Variants in LCA5L observed in about 807,000 individuals in gnomAD.
LCA5L encodes lebercilin LCA5 like.
In LCA5L, 35 loss-of-function variants were observed where a neutral mutation model predicts 45.4. The ratio of observed to expected loss-of-function variants is 0.77; its 90% confidence interval spans 0.59 to 1.02. The LOEUF is 1.02. Ranked by LOEUF, LCA5L falls within the 50% of genes least tolerant of loss-of-function variation. LCA5L has a pLI of 0.00. For missense variants in LCA5L, 668 were observed against 761.6 expected (o/e 0.88, Z 1.45); for synonymous variants, 233 against 264.7 (o/e 0.88, Z 1.16).
chr21:39,406,061 C>CA lies in LCA5L; in HGVS notation c.1833dup (p.Asp612Ter), dbSNP rs1465485501. The CA allele has an allele frequency of 6.2e-7, 1 of 1,614,020 alleles. No individual in the cohort carries two copies. The highest frequency in any genetic ancestry group is 1.3e-5 in the African/African-American group (1 of 74,926). On this transcript the variant is annotated frameshift_variant, in exon 11 of 11. Coordinates refer to ENST00000288350, the MANE Select transcript of LCA5L (RefSeq NM_152505.4). LOFTEE classifies it low-confidence loss of function (END_TRUNC). ...TTTGCAACACCAGGACTTGATTGGT[C>CA]AGTTTTCAAGACATAGCCTGATCCA...
At chr21:39,442,380 C>T (rs1358875849) in intron 2 of LCA5L, among the ~76,000 whole-genome samples, 1 of 151,984 alleles carries the variant, frequency 6.6e-6, no homozygotes, top group East Asian at 1.9e-4. Context: ...GATCATTAAT[C>T]CAAGGGCAAT....
At position 39,436,399 on chromosome 21, in the gene LCA5L, A is replaced by G. The variant is rs2076289369; in HGVS notation, c.-245-826T>C. On this transcript the variant is annotated intron_variant, in intron 2 of 10. Coordinates refer to ENST00000288350, the MANE Select transcript of LCA5L (RefSeq NM_152505.4). The stretch of plus-strand genomic sequence containing the variant: ...CATATAATGAAAAAAATTCAGTAGT[A>G]AATTTATAATTAATTCATAAGGATA... Among the ~76,000 whole-genome samples the G allele has an allele frequency of 2.0e-5, 3 of 152,222 alleles. No homozygotes were observed. The South Asian group carries it at 6.2e-4, about 32-fold the overall frequency.
At chr21:39,410,847 A>G (rs906071117) in intron 8 of LCA5L, 1 of 471,216 alleles carries the variant, frequency 2.1e-6, no homozygotes, top group Non-Finnish European at 4.4e-6. Context: ...ATTCTAGATT[A>G]TAAGCCAGAA....
At chr21:39,425,350 G>A (rs1337759171) in intron 5 of LCA5L, among the ~76,000 whole-genome samples, 1 of 152,064 alleles carries the variant, frequency 6.6e-6, no homozygotes, top group Non-Finnish European at 1.5e-5. Flanking sequence ...TGCTTTCTGG[G>A]GATAAAACAT....
intron 7 of LCA5L, among the ~76,000 whole-genome samples, chr21:39,418,692 G>T (rs2041742264): frequency 6.6e-6 from 1 of 152,150 alleles, no homozygotes; most frequent in Middle Eastern, 3.4e-3. Context: ...TAGAGACGGG[G>T]TTTTGCCATG....
At position 39,405,978 on chromosome 21, in the gene LCA5L, G is replaced by A; in HGVS notation, c.1917C>T (p.Ala639=). 1 of 1,614,118 alleles carries A rather than the reference G, an allele frequency of 6.2e-7. No individual in the cohort carries two copies. The part of the protein sequence containing the change: ...KESHPLPPSQ[A]STSHAFGDSK... ...AGTCTCCGAAAGCATGGCTGGTGGA[G>A]GCCTGACTGGGAGGCAGGGGATGCG... The change falls in exon 11 of 11, where the codon GCC becomes GCT. Residue 639 remains alanine (A), a synonymous_variant. Transcript: ENST00000288350.
chr21:39,415,321 T>C (rs2040940113), intron 7 of LCA5L, among the ~76,000 whole-genome samples: 1 of 152,178 alleles, frequency 6.6e-6, no homozygotes, highest in South Asian at 2.1e-4. Flanking sequence ...GCATAAAATA[T>C]GTAATTTCAA....
At chr21:39,414,756 G>C (rs1383828624) in intron 7 of LCA5L, among the ~76,000 whole-genome samples, 21 of 149,702 alleles carry the variant, frequency 1.4e-4, no homozygotes, top group Admixed American at 4.6e-4. Flanking sequence ...GTGTGTGTGT[G>C]TGTGTGTGTG....
At chr21:39,415,377 A>AT (rs1158099063) in intron 7 of LCA5L, among the ~76,000 whole-genome samples, 1 of 152,134 alleles carries the variant, frequency 6.6e-6, no homozygotes, top group Admixed American at 6.5e-5. Context: ...TAAAATATAT[A>AT]AAAAAATAAA....
intron 9 of LCA5L, 62 bp from the exon 10 acceptor site, chr21:39,410,158 T>G: frequency 7.7e-7 from 1 of 1,301,626 alleles, no homozygotes. Context: ...AAAATTGCAT[T>G]TTATTCTAAT....
intron 10 of LCA5L, among the ~76,000 whole-genome samples, chr21:39,408,277 C>G (rs751173626): frequency 1.8e-4 from 27 of 152,168 alleles, no homozygotes; most frequent in Non-Finnish European, 3.5e-4. Context: ...AATGACACTT[C>G]CAGATGAGAG....
At chr21:39,434,859 T>C (rs960157210) in intron 3 of LCA5L, among the ~76,000 whole-genome samples, 1 of 152,160 alleles carries the variant, frequency 6.6e-6, no homozygotes, top group African/African-American at 2.4e-5. Context: ...TCAAAGAACA[T>C]TTATTTAGTG....
intron 3 of LCA5L, among the ~76,000 whole-genome samples, chr21:39,433,968 C>T (rs553234170): frequency 7.2e-6 from 1 of 138,904 alleles, no homozygotes; most frequent in Admixed American, 7.7e-5. Context: ...AGAGTTTTGC[C>T]AATTCTCCTG....
intron 7 of LCA5L, among the ~76,000 whole-genome samples, chr21:39,415,162 A>C (rs1195795751): frequency 6.6e-6 from 1 of 152,108 alleles, no homozygotes; most frequent in Non-Finnish European, 1.5e-5. Flanking sequence ...TCAACTTCCC[A>C]AAAAATGATG....
At chr21:39,408,253 T>C (rs765924271) in intron 10 of LCA5L, among the ~76,000 whole-genome samples, 3 of 152,150 alleles carry the variant, frequency 2.0e-5, no homozygotes, top group Admixed American at 6.5e-5. Context: ...ATTAATCAAG[T>C]GTAAGGGCAG....
intron 2 of LCA5L, among the ~76,000 whole-genome samples, chr21:39,440,071 A>ATGTG (rs1238127196): frequency 1.3e-5 from 2 of 152,194 alleles, no homozygotes; most frequent in African/African-American, 4.8e-5. Flanking sequence ...GTGTATGTGT[A>ATGTG]TATACATATG....
chr21:39,410,339 G>C lies in LCA5L; in HGVS notation c.1089C>G (p.Asp363Glu), dbSNP rs983119747. Reference protein sequence around the residue: ...KVSSTKSVQADRKILPFTSMR... With the variant: ...KVSSTKSVQAERKILPFTSMR... Reference sequence around the variant, plus strand: ...TACTTGTGAATGGCAAAATTTTTCTGTCTGCTTGGACTGATTTTGTTGAAG... The same window carrying C: ...TACTTGTGAATGGCAAAATTTTTCTCTCTGCTTGGACTGATTTTGTTGAAG... The change falls in exon 9 of 11, where the codon GAC (aspartate) becomes GAG (glutamate). Residue 363 changes from aspartate (D) to glutamate (E), a missense_variant. Coordinates refer to ENST00000288350, the MANE Select transcript of LCA5L (RefSeq NM_152505.4). The C allele has an allele frequency of 6.2e-7, 1 of 1,607,984 alleles. No homozygotes were observed. The highest frequency in any genetic ancestry group is 1.3e-5 in the African/African-American group (1 of 74,716).
intron 9 of LCA5L, 79 bp downstream of exon 9, chr21:39,410,185 C>A (rs893766994): frequency 1.6e-5 from 20 of 1,241,120 alleles, no homozygotes; most frequent in Non-Finnish European, 2.4e-5. Flanking sequence ...AAATACTTTT[C>A]ACATAGAACA....
intron 7 of LCA5L, chr21:39,414,356 A>G (rs2040655896): frequency 6.6e-6 from 1 of 152,094 alleles, no homozygotes; most frequent in South Asian, 2.1e-4. Context: ...TGGAAGGCTG[A>G]CATCCCTCTT....
Sources: allele counts gnomAD v4.1 joint callset (sites outside exome capture counted in the v4.1 genomes callset), GRCh38; gene constraint gnomAD v4.1.1; transcripts MANE v1.5; gene names NCBI Gene and HGNC (gene_info 2026-07-23, HGNC 2026-07-21).